The following PLEKHG1 variants were observed in gnomAD, a reference collection of about 807,000 sequenced individuals.
The protein encoded by PLEKHG1 is pleckstrin homology and RhoGEF domain containing G1, also known as pleckstrin homology domain-containing family G member 1.
A neutral mutation model predicts 100.8 loss-of-function variants in PLEKHG1; 44 were observed. That is an observed-to-expected ratio of 0.44 (90% CI 0.34 to 0.56). The LOEUF is 0.56. Among genes scored for constraint, PLEKHG1 ranks in the 20% least tolerant of loss-of-function variants. PLEKHG1 has a pLI of 0.01. For synonymous variants in PLEKHG1, 640 were observed against 662.5 expected (o/e 0.97, Z 0.52); for missense variants, 1,545 against 1,720.9 (o/e 0.90, Z 1.81).
At chr6:150,763,245 G>A (rs946812966) in intron 2 of PLEKHG1, among the ~76,000 whole-genome samples, 8 of 151,920 alleles carry the variant, frequency 5.3e-5, no homozygotes, top group African/African-American at 1.7e-4. Flanking sequence ...GGGCCAGGCT[G>A]TTCTGGAACT....
chr6:150,829,847 T>C (rs1339841252), intron 14 of PLEKHG1, among the ~76,000 whole-genome samples: 1 of 152,078 alleles, frequency 6.6e-6, no homozygotes, highest in Non-Finnish European at 1.5e-5. Context: ...AGAGAAATCC[T>C]TGGAGTGTGT....
At chr6:150,721,282 C>A in intron 1 of PLEKHG1, 1 of 559,688 alleles carries the variant, frequency 1.8e-6, no homozygotes, top group Non-Finnish European at 2.3e-6. Flanking sequence ...GAGAGGTCCA[C>A]CGAGGTGAGA....
chr6:150,669,864 C>A (rs570060132), intron 3 of PLEKHG1, among the ~76,000 whole-genome samples: 1 of 152,298 alleles, frequency 6.6e-6, no homozygotes, highest in South Asian at 2.1e-4. Context: ...TCCCACAGTG[C>A]TGGGATTACA....
chr6:150,783,824 A>G (rs1026330307), intron 3 of PLEKHG1, among the ~76,000 whole-genome samples: 1 of 152,218 alleles, frequency 6.6e-6, no homozygotes, highest in Non-Finnish European at 1.5e-5. Flanking sequence ...TATTTATTTA[A>G]TACTAAAAAA....
intron 2 of PLEKHG1, among the ~76,000 whole-genome samples, chr6:150,638,656 G>A (rs9384570): frequency 0.23 from 35,266 of 152,088 alleles, 4,150 homozygotes; most frequent in South Asian, 0.29. Context: ...GGTACCCCTT[G>A]TGTAACAATT....
intron 4 of PLEKHG1, among the ~76,000 whole-genome samples, chr6:150,792,535 G>A (rs1373328787): frequency 4.6e-5 from 7 of 151,876 alleles, no homozygotes; most frequent in African/African-American, 1.7e-4. Context: ...TTAGCTGGGT[G>A]TGGTGGTGAG....
At chr6:150,728,666 G>T (rs1782080669) in intron 1 of PLEKHG1, among the ~76,000 whole-genome samples, 1 of 152,164 alleles carries the variant, frequency 6.6e-6, no homozygotes, top group Non-Finnish European at 1.5e-5. Context: ...GGGAGGCCAA[G>T]GCGGGTAGAT....
intron 3 of PLEKHG1, among the ~76,000 whole-genome samples, chr6:150,685,884 TC>T (rs1264236292): frequency 6.6e-6 from 1 of 152,218 alleles, no homozygotes; most frequent in East Asian, 1.9e-4. Context: ...GATCATTCCA[TC>T]TGTGTAACCC....
At chr6:150,623,687 C>T (rs1406933374) in intron 1 of PLEKHG1, among the ~76,000 whole-genome samples, 3 of 152,196 alleles carry the variant, frequency 2.0e-5, no homozygotes, top group South Asian at 2.1e-4. Context: ...AGCCTATTCA[C>T]GAGGTTTGTG....
Position 150,783,776 on chromosome 6 carries a change from C to G in PLEKHG1, c.513-2614C>G, listed in dbSNP as rs558405693. Reference sequence around the variant, plus strand: ...TTATGTTTTATTATGTTTTGTTTGCCACATTAGAAATGAAAACCGAGAACC... The same window carrying G: ...TTATGTTTTATTATGTTTTGTTTGCGACATTAGAAATGAAAACCGAGAACC... On this transcript the variant is annotated intron_variant, in intron 3 of 15. Coordinates refer to ENST00000358517, the Ensembl canonical transcript of PLEKHG1. Among the ~76,000 whole-genome samples the G allele has an allele frequency of 1.3e-4, 20 of 152,140 alleles. No homozygotes were observed. In the South Asian group the frequency reaches 2.7e-3, roughly 21 times the overall value.
At chr6:150,680,208 G>A (rs1043796415) in intron 3 of PLEKHG1, among the ~76,000 whole-genome samples, 5 of 152,198 alleles carry the variant, frequency 3.3e-5, no homozygotes, top group Non-Finnish European at 5.9e-5. Flanking sequence ...ACAGATGGAA[G>A]ATGACCAGGG....
intron 3 of PLEKHG1, among the ~76,000 whole-genome samples, chr6:150,674,672 TC>T (rs1562427700): frequency 1.4e-5 from 2 of 144,340 alleles, no homozygotes; most frequent in East Asian, 2.0e-4. Context: ...TCTCTCTCTC[TC>T]TCTCTCTCTC....
intron 2 of PLEKHG1, among the ~76,000 whole-genome samples, chr6:150,758,614 C>T (rs944703317): frequency 2.0e-5 from 3 of 152,198 alleles, no homozygotes; most frequent in Admixed American, 6.5e-5. Context: ...GGATTACAGG[C>T]GTGAGCCACC....
chr6:150,840,904 CATA>C (rs1399534581), exon 16 of PLEKHG1: 2 of 1,574,786 alleles, frequency 1.3e-6, no homozygotes, highest in African/African-American at 1.4e-5. Context: ...TAAGGTTCTT[CATA>C]ATAACTGCTT....
chr6:150,666,995 T>C (rs991082919), intron 3 of PLEKHG1, among the ~76,000 whole-genome samples: 14 of 152,132 alleles, frequency 9.2e-5, no homozygotes, highest in African/African-American at 3.1e-4. Flanking sequence ...CCTGACCTCG[T>C]GATCCACCCA....
At chr6:150,615,612 C>T (rs9478770) in intron 1 of PLEKHG1, among the ~76,000 whole-genome samples, 11,335 of 152,288 alleles carry the variant, frequency 0.074, 527 homozygotes, top group Non-Finnish European at 0.1. Context: ...TATAAAATCA[C>T]ATAGGCTAGA....
intron 3 of PLEKHG1, among the ~76,000 whole-genome samples, chr6:150,785,046 A>G (rs78629719): frequency 1.4e-4 from 21 of 151,878 alleles, no homozygotes; most frequent in South Asian, 4.2e-4. Flanking sequence ...AAAAAAAAAA[A>G]AGAGAGAGAG....
chr6:150,672,991 C>A (rs914875194), intron 3 of PLEKHG1, among the ~76,000 whole-genome samples: 1 of 152,122 alleles, frequency 6.6e-6, no homozygotes, highest in Non-Finnish European at 1.5e-5. Flanking sequence ...CTGTGTTTGG[C>A]AGTCATGGTT....
At chr6:150,729,788 C>T (rs62434148) in intron 1 of PLEKHG1, among the ~76,000 whole-genome samples, 4,860 of 152,220 alleles carry the variant, frequency 0.032, 208 homozygotes, top group South Asian at 0.14. Flanking sequence ...CAGGCCTGTA[C>T]GTGGACTGGC....
Sources: gnomAD v4.1 joint callset for allele counts (sites outside exome capture counted in the v4.1 genomes callset) on GRCh38, gnomAD v4.1.1 for gene constraint, MANE v1.5 for transcripts, NCBI Gene and HGNC (gene_info 2026-07-23, HGNC 2026-07-21) for gene names.